Variants in DCDC2 observed in about 807,000 individuals in gnomAD.
DCDC2 encodes doublecortin domain-containing protein 2.
In DCDC2, 40 loss-of-function variants were observed where a neutral mutation model predicts 50.2. The observed-to-expected ratio is 0.80, with a 90% CI of 0.62 to 1.04. DCDC2 has a LOEUF of 1.04. DCDC2 is among the 50% of genes least tolerant of loss of function. DCDC2 has a pLI of 0.00. For missense variants in DCDC2, 570 were observed against 581.9 expected (o/e 0.98, Z 0.21); for synonymous variants, 234 against 210.6 (o/e 1.11, Z -0.96).
In DCDC2 at chr6:24,232,107, G is replaced by A. The variant is rs549584605; in HGVS notation, c.923-27005C>T. Among the ~76,000 whole-genome samples the A allele has an allele frequency of 9.2e-5, 14 of 151,354 alleles. No homozygotes were observed. In the East Asian group the frequency reaches 2.3e-3, roughly 25 times the overall value. On this transcript the variant is annotated intron_variant, in intron 7 of 9. Coordinates refer to ENST00000378454, the MANE Select transcript of DCDC2 (RefSeq NM_016356.5). ...TTAAACTTTATACAGCAATTTAATC[G>A]AATATAACAGATATAAAAAGATATA...
chr6:24,200,753 C>CAT (rs1413465967), intron 8 of DCDC2, among the ~76,000 whole-genome samples: 3 of 151,544 alleles, frequency 2.0e-5, no homozygotes, highest in Admixed American at 2.0e-4. Flanking sequence ...TCAGGAGACT[C>CAT]ATCTCATGTG....
upstream of DCDC2, among the ~76,000 whole-genome samples, chr6:24,362,374 G>GTATA (rs1760681474): frequency 2.4e-4 from 21 of 88,664 alleles, no homozygotes; most frequent in Non-Finnish European, 3.5e-4. Flanking sequence ...TTAATTGTAT[G>GTATA]TTTATACAAT....
At chr6:24,268,225 G>A (rs746898170) in intron 7 of DCDC2, among the ~76,000 whole-genome samples, 13 of 152,114 alleles carry the variant, frequency 8.5e-5, no homozygotes, top group Non-Finnish European at 1.5e-4. Context: ...GGTGACTCAC[G>A]CCTGTAATTC....
chr6:24,352,172 A>G (rs75520908), intron 2 of DCDC2, among the ~76,000 whole-genome samples: 4,384 of 152,300 alleles, frequency 0.029, 118 homozygotes, highest in African/African-American at 0.065. Flanking sequence ...TTTACTAGGG[A>G]TAATGTCTTC....
intron 2 of DCDC2, among the ~76,000 whole-genome samples, chr6:24,341,420 T>C (rs1177002468): frequency 6.6e-6 from 1 of 151,984 alleles, no homozygotes; most frequent in African/African-American, 2.4e-5. Context: ...CAATGATACA[T>C]GGGAATTTTC....
At chr6:24,210,200 C>G (rs1761835697) in intron 7 of DCDC2, among the ~76,000 whole-genome samples, 1 of 151,478 alleles carries the variant, frequency 6.6e-6, no homozygotes. Flanking sequence ...CATTGTGGAT[C>G]AGGTTCTCTA....
chr6:24,302,295 A>AAGAG (rs1759395973), intron 2 of DCDC2, among the ~76,000 whole-genome samples: 1 of 4,654 alleles, frequency 2.1e-4, no homozygotes, highest in East Asian at 0.01. Context: ...TGATCTGTGG[A>AAGAG]AAAAAAAAAA....
intron 2 of DCDC2, among the ~76,000 whole-genome samples, chr6:24,315,126 C>T (rs1438328184): frequency 6.6e-6 from 1 of 151,514 alleles, no homozygotes; most frequent in Non-Finnish European, 1.5e-5. Flanking sequence ...TCCAAAAACA[C>T]ACTTTAAGGG....
intron 2 of DCDC2, among the ~76,000 whole-genome samples, chr6:24,348,286 T>C (rs1320811619): frequency 6.6e-6 from 1 of 152,118 alleles, no homozygotes; most frequent in Non-Finnish European, 1.5e-5. Flanking sequence ...TAAGGTGAAA[T>C]TAAAAGAATC....
intron 8 of DCDC2, among the ~76,000 whole-genome samples, chr6:24,193,929 T>A (rs1444043672): frequency 1.3e-5 from 2 of 152,148 alleles, no homozygotes; most frequent in Non-Finnish European, 2.9e-5. Flanking sequence ...AAATTTGAGA[T>A]ACCACCCAAT....
At chr6:24,251,253 A>C (rs1256750788) in intron 7 of DCDC2, among the ~76,000 whole-genome samples, 2 of 152,194 alleles carry the variant, frequency 1.3e-5, no homozygotes, top group African/African-American at 4.8e-5. Context: ...TCAAAACAGG[A>C]GGATACATGA....
At chr6:24,341,518 T>TA (rs373714754) in intron 2 of DCDC2, among the ~76,000 whole-genome samples, 48,939 of 149,142 alleles carry the variant, frequency 0.33, 8,919 homozygotes, top group African/African-American at 0.51. Flanking sequence ...TACCTTTTTT[T>TA]AAAAAAAAAA....
At chr6:24,228,349 G>A (rs775594770) in intron 7 of DCDC2, among the ~76,000 whole-genome samples, 3 of 152,216 alleles carry the variant, frequency 2.0e-5, no homozygotes, top group Non-Finnish European at 4.4e-5. Context: ...GAGATTTTAA[G>A]CAGCAGGTGG....
At chr6:24,361,510 G>A (rs148164964), upstream of DCDC2, among the ~76,000 whole-genome samples, 2 of 152,260 alleles carry the variant, frequency 1.3e-5, no homozygotes, top group East Asian at 1.9e-4. Flanking sequence ...GGGAAATTTT[G>A]TGAGCTGCTT....
At chr6:24,221,261 T>C (rs1294908624) in intron 7 of DCDC2, among the ~76,000 whole-genome samples, 1 of 152,086 alleles carries the variant, frequency 6.6e-6, no homozygotes, top group African/African-American at 2.4e-5. Context: ...TGGCCTCACT[T>C]CAGCCTTAAC....
chr6:24,243,982 C>T (rs1207879641), intron 7 of DCDC2, among the ~76,000 whole-genome samples: 1 of 152,174 alleles, frequency 6.6e-6, no homozygotes, highest in East Asian at 1.9e-4. Context: ...TTTTTCATTT[C>T]AGAATTTAAA....
At chr6:24,208,108 G>A (rs1164811409) in intron 7 of DCDC2, among the ~76,000 whole-genome samples, 3 of 152,058 alleles carry the variant, frequency 2.0e-5, no homozygotes, top group Admixed American at 6.5e-5. Context: ...CAAATGGAGC[G>A]ATTTCAGTCA....
intron 2 of DCDC2, among the ~76,000 whole-genome samples, chr6:24,306,022 C>G (rs1759467023): frequency 6.6e-6 from 1 of 151,238 alleles, no homozygotes; most frequent in Non-Finnish European, 1.5e-5. Context: ...GAGCAAAACT[C>G]TGTCTCAAAA....
At chr6:24,220,248 G>A (rs1762069256) in intron 7 of DCDC2, among the ~76,000 whole-genome samples, 1 of 152,140 alleles carries the variant, frequency 6.6e-6, no homozygotes, top group African/African-American at 2.4e-5. Flanking sequence ...TACCAATTGT[G>A]TAATTTCATT....
Sources: allele counts gnomAD v4.1 joint callset (sites outside exome capture counted in the v4.1 genomes callset), GRCh38; gene constraint gnomAD v4.1.1; transcripts MANE v1.5; gene names NCBI Gene and HGNC (gene_info 2026-07-23, HGNC 2026-07-21).